The following VIPAS39 variants were observed in gnomAD, a reference collection of about 807,000 sequenced individuals.
The protein encoded by VIPAS39 is VPS33B interacting protein, apical-basolateral polarity regulator, spe-39 homolog.
VIPAS39 carries 63 observed loss-of-function variants against 84.7 expected under a neutral mutation model. That is an observed-to-expected ratio of 0.74 (90% confidence interval 0.61 to 0.92). VIPAS39 has a LOEUF of 0.92. Ranked by LOEUF, VIPAS39 falls within the 40% of genes least tolerant of loss-of-function variation. The pLI is 0.00. For synonymous variants in VIPAS39, 192 were observed against 216.5 expected (o/e 0.89, Z 0.99); for missense variants, 499 against 604.5 (o/e 0.83, Z 1.83).
intron 1 of VIPAS39, among the ~76,000 whole-genome samples, chr14:77,454,980 C>A (rs557176978): frequency 6.6e-6 from 1 of 152,008 alleles, no homozygotes; most frequent in Non-Finnish European, 1.5e-5. Context: ...CCTGAAAGAA[C>A]GGAAAGCAAA....
chr14:77,428,277 A>G, intron 19 of VIPAS39, 93 bp downstream of exon 19: 2 of 1,179,530 alleles, frequency 1.7e-6, no homozygotes, highest in Non-Finnish European at 2.5e-6. Context: ...AGCCAACTGC[A>G]ATCCTTCCAG....
At chr14:77,456,393 A>C (rs982698191) in intron 1 of VIPAS39, among the ~76,000 whole-genome samples, 6 of 152,380 alleles carry the variant, frequency 3.9e-5, no homozygotes, top group Admixed American at 6.5e-5. Flanking sequence ...ACAAATGCTG[A>C]AGATGTGTAT....
At chr14:77,454,300 T>C (rs952881046) in intron 1 of VIPAS39, among the ~76,000 whole-genome samples, 198 bp from the exon 2 acceptor site, 1 of 152,208 alleles carries the variant, frequency 6.6e-6, no homozygotes, top group Non-Finnish European at 1.5e-5. Context: ...TCTAATCTTC[T>C]AATTACCCAT....
intron 16 of VIPAS39, among the ~76,000 whole-genome samples, chr14:77,432,678 T>C (rs2078541465): frequency 6.6e-6 from 1 of 151,952 alleles, no homozygotes; most frequent in Non-Finnish European, 1.5e-5. Context: ...GAAAGGAAAA[T>C]AACCTCATGA....
intron 6 of VIPAS39, 31 bp downstream of exon 6, chr14:77,449,262 A>T: frequency 6.2e-7 from 1 of 1,603,340 alleles, no homozygotes; most frequent in South Asian, 1.1e-5. Context: ...ATACTGTGGA[A>T]AGTGTCACAC....
At chr14:77,430,850 G>A (rs755091951) in intron 16 of VIPAS39, among the ~76,000 whole-genome samples, 85 of 152,070 alleles carry the variant, frequency 5.6e-4, no homozygotes, top group Non-Finnish European at 9.9e-4. Context: ...ACATAGACCA[G>A]TGGAATAGAA....
Position 77,429,022 on chromosome 14 carries a change from T to C in VIPAS39, c.1340A>G (p.His447Arg), listed in dbSNP as rs771838613. 2.5e-6 allele frequency: 4 copies of C among 1,613,858 alleles called. No homozygotes were observed. The highest frequency in any genetic ancestry group is 1.3e-5 in the African/African-American group (1 of 74,924). Residue 447 changes from histidine (H) to arginine (R), a missense_variant, in exon 18 of 20, where the codon CAT becomes CGT. By Grantham distance (29) the His-to-Arg change is conservative (BLOSUM62 0). Transcript: ENST00000557658. ...KLNLATKFKC[H>R]DVVIDTYRDL... is the part of the protein sequence containing the mutation. Reference sequence around the variant, plus strand: ...GGGACTCACATCAATGACGACATCATGGCACTTGAACTTAGTGGCTAAGTT... The same window carrying C: ...GGGACTCACATCAATGACGACATCACGGCACTTGAACTTAGTGGCTAAGTT...
chr14:77,429,451 G>A (rs2078484646), intron 17 of VIPAS39, among the ~76,000 whole-genome samples: 1 of 143,652 alleles, frequency 7.0e-6, no homozygotes, highest in Non-Finnish European at 1.5e-5. Flanking sequence ...TTCCACTTGG[G>A]CTAACACAGT....
Position 77,428,892 on chromosome 14 carries a change from A to T in VIPAS39, c.1356+114T>A, listed in dbSNP as rs1051001699. 24 of 942,262 alleles carry T rather than the reference A, an allele frequency of 2.5e-5. No homozygotes were observed. The African/African-American group carries it at 3.4e-4, about 13-fold the overall frequency. The allele number at this position is 942,262 out of a possible 1,614,324, so 58.4% of individuals were successfully genotyped here. ...AAACTCTTGCCAGATTATTCTGTCC[A>T]TTCAGTCAAACCTGGTGGGAGCACC... is the stretch of plus-strand genomic sequence containing the variant. On this transcript the variant is annotated intron_variant, in intron 18 of 19. Coordinates refer to ENST00000557658, the MANE Select transcript of VIPAS39 (RefSeq NM_001193315.2).
intron 11 of VIPAS39, among the ~76,000 whole-genome samples, chr14:77,438,415 G>A (rs1006838408): frequency 2.0e-5 from 3 of 152,140 alleles, no homozygotes; most frequent in African/African-American, 4.8e-5. Flanking sequence ...TTTTAGTAGA[G>A]GCAGGGTTTC....
chr14:77,436,558 C>T (rs1368046863), intron 12 of VIPAS39, among the ~76,000 whole-genome samples: 2 of 152,128 alleles, frequency 1.3e-5, no homozygotes, highest in Non-Finnish European at 2.9e-5. Flanking sequence ...AATTCTCCTG[C>T]CTCAGCCTCC....
intron 16 of VIPAS39, among the ~76,000 whole-genome samples, chr14:77,431,470 A>G (rs2078521387): frequency 6.6e-6 from 1 of 152,182 alleles, no homozygotes; most frequent in South Asian, 2.1e-4. Flanking sequence ...CAAAACTATA[A>G]TAAGATATCA....
In VIPAS39 at chr14:77,449,351, G is replaced by A. The variant is rs1446176129; in HGVS notation, c.389C>T (p.Ser130Leu). 9 of 1,614,036 alleles carry A rather than the reference G, an allele frequency of 5.6e-6. No homozygotes were observed. Among genetic ancestry groups the A allele is most frequent in the Non-Finnish European group, 7.6e-6 (9 of 1,180,038 alleles). ...GSFQSLSDAL[S>L]DTPAKSYAPE... Reference sequence around the variant, plus strand: ...AGCATAGCTTTTGGCAGGTGTGTCTGACAGAGCTGAAAAAGAATAAGCAGC... The same window carrying A: ...AGCATAGCTTTTGGCAGGTGTGTCTAACAGAGCTGAAAAAGAATAAGCAGC... Residue 130 changes from serine (S) to leucine (L), a missense_variant, in exon 6 of 20, where the codon TCA becomes TTA. By Grantham distance (145) the Ser-to-Leu change is moderately radical (BLOSUM62 -2). Coordinates refer to ENST00000557658, the MANE Select transcript of VIPAS39 (RefSeq NM_001193315.2).
chr14:77,440,666 A>G (rs1037077399), intron 11 of VIPAS39, among the ~76,000 whole-genome samples: 1 of 152,122 alleles, frequency 6.6e-6, no homozygotes, highest in Non-Finnish European at 1.5e-5. Context: ...TATATAATCA[A>G]TATCAAAGGA....
chr14:77,434,942 A>G (rs1459692548), intron 14 of VIPAS39, among the ~76,000 whole-genome samples: 1 of 151,594 alleles, frequency 6.6e-6, no homozygotes. Flanking sequence ...TTGCCACCCT[A>G]CTGCTTTTCT....
chr14:77,438,159 A>C (rs1461428896), intron 11 of VIPAS39, among the ~76,000 whole-genome samples: 2 of 152,156 alleles, frequency 1.3e-5, no homozygotes, highest in Non-Finnish European at 2.9e-5. Flanking sequence ...AACACTAACC[A>C]CTTTTAAAGA....
intron 7 of VIPAS39, among the ~76,000 whole-genome samples, chr14:77,447,695 T>A: frequency 6.6e-6 from 1 of 152,210 alleles, no homozygotes; most frequent in African/African-American, 2.4e-5. Context: ...AGTTTCACTC[T>A]TGTTGCCCAG....
intron 17 of VIPAS39, 66 bp downstream of exon 17, chr14:77,429,615 C>A: frequency 2.0e-6 from 3 of 1,514,690 alleles, no homozygotes; most frequent in South Asian, 1.1e-5. Flanking sequence ...CATCACTGAC[C>A]AGTAAGAGGC....
chr14:77,449,151 T>C, intron 6 of VIPAS39, 142 bp downstream of exon 6: 2 of 916,876 alleles, frequency 2.2e-6, no homozygotes, highest in African/African-American at 1.6e-5. Flanking sequence ...TAAGCCCTCA[T>C]GTTTAGAAAC....
Sources: allele counts gnomAD v4.1 joint callset (sites outside exome capture counted in the v4.1 genomes callset), GRCh38; gene constraint gnomAD v4.1.1; transcripts MANE v1.5; gene names NCBI Gene and HGNC (gene_info 2026-07-23, HGNC 2026-07-21).